Variants in CORO2B observed in about 807,000 individuals in gnomAD.
CORO2B encodes the protein coronin 2B.
In CORO2B, 26 loss-of-function variants were observed where a neutral mutation model predicts 58.8. The observed-to-expected ratio is 0.44, with a 90% CI of 0.32 to 0.61. The LOEUF (loss-of-function observed/expected upper bound fraction) is 0.61, where lower values mean the gene tolerates loss of function less well. Ranked by LOEUF, CORO2B falls within the 20% of genes least tolerant of loss-of-function variation. The pLI, the probability that CORO2B is intolerant of heterozygous loss-of-function variation, is 0.04. For missense variants in CORO2B, 460 were observed against 645.1 expected, an observed-to-expected ratio of 0.71 and a Z score of 3.11; for synonymous variants, 242 against 253.8, an observed-to-expected ratio of 0.95 and a Z score of 0.44.
the CORO2B span, among the ~76,000 whole-genome samples, chr15:68,520,116 C>T: frequency 9.2e-5 from 14 of 151,998 alleles, no homozygotes; most frequent in Non-Finnish European, 8.8e-5. Context: ...AGATTTAGTC[C>T]ACTGTGGTCA....
intron 1 of CORO2B, among the ~76,000 whole-genome samples, chr15:68,591,066 T>C (rs528566841): frequency 7.2e-5 from 11 of 152,320 alleles, no homozygotes; most frequent in African/African-American, 2.6e-4. Context: ...AGGGGGATCC[T>C]GGTCTGTGGG....
Position 68,647,220 on chromosome 15 carries a change from A to T in CORO2B, c.216+1860A>T, listed in dbSNP as rs534079839. On this transcript the variant is annotated intron_variant, in intron 2 of 11. Transcript: ENST00000261861. ...CCTAAGAAAGCCAGGAATCCCCCAA[A>T]TCATAAAGGAAATGAATAGGTTAGA... 7.9e-5 allele frequency among the ~76,000 whole-genome samples: 12 copies of T among 152,342 alleles called. No homozygotes were observed. In the South Asian group the frequency reaches 2.5e-3, roughly 32 times the overall value.
intron 1 of CORO2B, among the ~76,000 whole-genome samples, chr15:68,583,435 G>A (rs962216099): frequency 5.3e-4 from 80 of 152,148 alleles, no homozygotes; most frequent in African/African-American, 1.8e-3. Flanking sequence ...CTTTCCACCC[G>A]GCTGCCCTGG....
At chr15:68,683,919 G>T (rs2140304477) in intron 2 of CORO2B, among the ~76,000 whole-genome samples, 1 of 152,334 alleles carries the variant, frequency 6.6e-6, no homozygotes, top group Middle Eastern at 3.4e-3. Flanking sequence ...GTCAAGGCAG[G>T]ACTGTGCTGG....
intron 8 of CORO2B, among the ~76,000 whole-genome samples, chr15:68,716,987 A>T (rs1395682018): frequency 6.6e-6 from 1 of 152,084 alleles, no homozygotes; most frequent in African/African-American, 2.4e-5. Flanking sequence ...AGACAACATG[A>T]TGGGATCCGA....
intron 2 of CORO2B, among the ~76,000 whole-genome samples, chr15:68,690,406 T>C (rs1422762527): frequency 6.6e-6 from 1 of 152,178 alleles, no homozygotes; most frequent in Admixed American, 6.6e-5. Context: ...TACCACTGCA[T>C]CTTGATTTTC....
chr15:68,712,471 A>G (rs1313195218), intron 5 of CORO2B, among the ~76,000 whole-genome samples: 1 of 152,212 alleles, frequency 6.6e-6, no homozygotes, highest in African/African-American at 2.4e-5. Context: ...TGCTCATTGG[A>G]ACATTTCAGA....
At chr15:68,592,880 T>C (rs1161948090) in intron 1 of CORO2B, among the ~76,000 whole-genome samples, 1 of 152,234 alleles carries the variant, frequency 6.6e-6, no homozygotes, top group Non-Finnish European at 1.5e-5. Context: ...TAAATGCCTG[T>C]TTCCAGCTTC....
chr15:68,685,300 TC>T (rs1902928114), intron 2 of CORO2B, among the ~76,000 whole-genome samples: 1 of 152,198 alleles, frequency 6.6e-6, no homozygotes, highest in African/African-American at 2.4e-5. Context: ...AACCTCCTCC[TC>T]CTGGGTTCAA....
intron 1 of CORO2B, among the ~76,000 whole-genome samples, chr15:68,617,545 C>G (rs928097119): frequency 6.6e-6 from 1 of 152,050 alleles, no homozygotes; most frequent in African/African-American, 2.4e-5. Flanking sequence ...GTGTCTGTGA[C>G]TATATATGTG....
At chr15:68,640,877 G>A (rs1901194720) in intron 1 of CORO2B, among the ~76,000 whole-genome samples, 1 of 152,224 alleles carries the variant, frequency 6.6e-6, no homozygotes, top group Non-Finnish European at 1.5e-5. Context: ...GGTGCTTGGA[G>A]CAGCAAAGTG....
At chr15:68,703,113 A>G (rs1892696469) in intron 3 of CORO2B, among the ~76,000 whole-genome samples, 1 of 145,020 alleles carries the variant, frequency 6.9e-6, no homozygotes. Flanking sequence ...GGAGTGAGCC[A>G]TTGTGCCCAG....
chr15:68,668,411 A>G (rs1337136248), intron 2 of CORO2B, among the ~76,000 whole-genome samples: 2 of 144,122 alleles, frequency 1.4e-5, no homozygotes, highest in Admixed American at 7.0e-5. Flanking sequence ...AGTCGTTAAG[A>G]TTACATCAGA....
the CORO2B span, among the ~76,000 whole-genome samples, chr15:68,525,835 TAC>T: frequency 6.6e-6 from 1 of 152,222 alleles, no homozygotes; most frequent in Non-Finnish European, 1.5e-5. Flanking sequence ...TACAAATGTA[TAC>T]ATTCATGTAC....
At chr15:68,631,619 C>T (rs1321056150) in intron 1 of CORO2B, among the ~76,000 whole-genome samples, 3 of 152,188 alleles carry the variant, frequency 2.0e-5, no homozygotes, top group Non-Finnish European at 2.9e-5. Context: ...CAGGGCCCAG[C>T]TTACAGCCTC....
intron 2 of CORO2B, among the ~76,000 whole-genome samples, chr15:68,683,784 T>C (rs1902872122): frequency 6.6e-6 from 1 of 152,172 alleles, no homozygotes; most frequent in Non-Finnish European, 1.5e-5. Context: ...ACCACTGTCA[T>C]CATGGTGCTC....
At chr15:68,526,726 A>T in the CORO2B span, among the ~76,000 whole-genome samples, 4 of 152,218 alleles carry the variant, frequency 2.6e-5, no homozygotes, top group African/African-American at 9.6e-5. Context: ...GATGTTTTTC[A>T]AAGAGCAGAA....
chr15:68,537,182 C>T, the CORO2B span, among the ~76,000 whole-genome samples: 4 of 152,160 alleles, frequency 2.6e-5, no homozygotes, highest in Admixed American at 6.5e-5. Flanking sequence ...ATTCAGACAC[C>T]TTGGTATGCT....
At chr15:68,643,780 G>T (rs1277485523) in intron 1 of CORO2B, among the ~76,000 whole-genome samples, 1 of 152,208 alleles carries the variant, frequency 6.6e-6, no homozygotes, top group African/African-American at 2.4e-5. Context: ...GCTCACACCT[G>T]TAATCCCAGC....
Sources: gnomAD v4.1 joint callset for allele counts (sites outside exome capture counted in the v4.1 genomes callset) on GRCh38, gnomAD v4.1.1 for gene constraint, MANE v1.5 for transcripts, NCBI Gene and HGNC (gene_info 2026-07-23, HGNC 2026-07-21) for gene names.